Variants in IGF1R observed in about 807,000 individuals in gnomAD.
IGF1R encodes insulin-like growth factor 1 receptor.
Under a neutral mutation model 144.6 loss-of-function variants are expected in IGF1R, and 44 were observed. That is an observed-to-expected ratio of 0.30 (90% CI 0.24 to 0.39). The LOEUF (loss-of-function observed/expected upper bound fraction) is 0.39. Among genes scored for constraint, IGF1R ranks in the 10% least tolerant of loss-of-function variants. The probability of loss-of-function intolerance (pLI) is 1.00; values close to 1 mark genes in which losing one functional copy is unlikely to be tolerated. For missense variants in IGF1R, 1,355 were observed against 1,833.7 expected (o/e 0.74, Z 4.77); for synonymous variants, 795 against 722.8 (o/e 1.10, Z -1.60).
At chr15:98,734,764 A>C (rs1230092214) in intron 2 of IGF1R, 1 of 152,150 alleles carries the variant, frequency 6.6e-6, no homozygotes, top group Non-Finnish European at 1.5e-5. Flanking sequence ...GTGACTTCCT[A>C]TTTATAATGT....
intron 1 of IGF1R, chr15:98,650,878 C>T (rs1567057358): frequency 5.1e-6 from 5 of 981,840 alleles, no homozygotes; most frequent in Non-Finnish European, 6.0e-6. Context: ...TTGGTGGTGT[C>T]GGGTGGGGGT....
At chr15:98,899,166 C>T (rs1244419118) in intron 4 of IGF1R, among the ~76,000 whole-genome samples, 2 of 152,224 alleles carry the variant, frequency 1.3e-5, no homozygotes, top group African/African-American at 2.4e-5. Flanking sequence ...ACGTTCCCTA[C>T]ATTCGTCAGC....
At chr15:98,848,442 A>G (rs1467657335) in intron 2 of IGF1R, among the ~76,000 whole-genome samples, 1 of 152,214 alleles carries the variant, frequency 6.6e-6, no homozygotes, top group East Asian at 1.9e-4. Flanking sequence ...AGATAGTGCC[A>G]TCCTCCGCAA....
chr15:98,769,192 C>T (rs2055520939), intron 2 of IGF1R, among the ~76,000 whole-genome samples: 1 of 152,134 alleles, frequency 6.6e-6, no homozygotes, highest in Non-Finnish European at 1.5e-5. Flanking sequence ...TCTTTGTAAG[C>T]AAATAGCATC....
rs1034630035 is a variant in IGF1R at position 98,782,661 on chromosome 15, G to A, written c.640+74554G>A. The stretch of plus-strand genomic sequence containing the variant: ...TGATTTCTTTAATCACTCCAAATTA[G>A]TCATTTAGTTGTTTCCAGTTTTTTA... On this transcript the variant is annotated intron_variant, in intron 2 of 20. Coordinates refer to ENST00000650285, the MANE Select transcript of IGF1R (RefSeq NM_000875.5). Among the ~76,000 whole-genome samples the A allele has an allele frequency of 4.6e-5, 7 of 152,234 alleles. No homozygotes were observed. In the South Asian group the frequency reaches 1.2e-3, roughly 27 times the overall value.
At chr15:98,708,561 A>G (rs1274202693) in intron 2 of IGF1R, among the ~76,000 whole-genome samples, 1 of 152,184 alleles carries the variant, frequency 6.6e-6, no homozygotes, top group East Asian at 1.9e-4. Context: ...CTTAGTTTGA[A>G]TGGACTTGGA....
chr15:98,813,001 C>T (rs1472516408), intron 2 of IGF1R, among the ~76,000 whole-genome samples: 1 of 152,208 alleles, frequency 6.6e-6, no homozygotes, highest in African/African-American at 2.4e-5. Context: ...TAAGTGGCTT[C>T]TCCGATAGTG....
intron 2 of IGF1R, among the ~76,000 whole-genome samples, chr15:98,721,344 C>T (rs1370106934): frequency 4.6e-5 from 7 of 152,222 alleles, no homozygotes; most frequent in Non-Finnish European, 7.3e-5. Context: ...TGAGAAACCA[C>T]TTGTGGGTTA....
chr15:98,929,683 A>T lies in IGF1R; in HGVS notation c.2885+23A>T, dbSNP rs376316262. 3 of 1,483,936 alleles carry T rather than the reference A, an allele frequency of 2.0e-6. No individual in the cohort carries two copies. The African/African-American group carries it at 4.1e-5, about 21-fold the overall frequency. 91.9% of individuals were successfully genotyped at this position (1,483,936 alleles called of 1,614,324 possible). A position where few individuals can be genotyped will look rare whatever the true frequency, so the allele number is the denominator to read the frequency against. ...GAGGTCAGTGATGTGCAAAGTTATG[A>T]CACTTTCTGTGGCTGAGTGGTTTGA... On this transcript the variant is annotated intron_variant, in intron 14 of 20. Transcript: ENST00000650285.
chr15:98,856,989 C>T (rs187483138), intron 2 of IGF1R, among the ~76,000 whole-genome samples: 1 of 152,172 alleles, frequency 6.6e-6, no homozygotes, highest in African/African-American at 2.4e-5. Flanking sequence ...TGTAAATGAC[C>T]CCTTTCTCTT....
chr15:98,953,387 T>G (rs755491968), intron 20 of IGF1R, among the ~76,000 whole-genome samples: 1 of 152,178 alleles, frequency 6.6e-6, no homozygotes, highest in Non-Finnish European at 1.5e-5. Flanking sequence ...TGTGGTTCCC[T>G]GCTGGGTCTG....
intron 10 of IGF1R, among the ~76,000 whole-genome samples, chr15:98,920,890 C>G (rs372773274): frequency 1.3e-5 from 2 of 152,160 alleles, no homozygotes; most frequent in African/African-American, 4.8e-5. Context: ...CTCTGCTCTC[C>G]CCTTCCAGGT....
At chr15:98,870,612 G>A (rs2012732507) in intron 2 of IGF1R, among the ~76,000 whole-genome samples, 1 of 152,212 alleles carries the variant, frequency 6.6e-6, no homozygotes, top group South Asian at 2.1e-4. Flanking sequence ...GTGCATGTGT[G>A]TGTGTGTTTG....
intron 2 of IGF1R, among the ~76,000 whole-genome samples, chr15:98,799,751 T>C (rs1457903920): frequency 6.6e-6 from 1 of 152,044 alleles, no homozygotes; most frequent in African/African-American, 2.4e-5. Context: ...CAGGCTGGGA[T>C]CGTGGTGTTA....
Position 98,649,432 on chromosome 15 carries a change from G to T in IGF1R, c.-150G>T, listed in dbSNP as rs1034397988. The T allele has an allele frequency of 5.8e-6, 3 of 512,996 alleles. No homozygotes were observed. The highest frequency in any genetic ancestry group is 4.2e-5 in the Admixed American group (1 of 24,026). 31.8% of individuals were successfully genotyped at this position (512,996 alleles called of 1,614,324 possible). On this transcript the variant is annotated 5_prime_UTR_variant, in exon 1 of 21. Coordinates refer to ENST00000650285, the MANE Select transcript of IGF1R (RefSeq NM_000875.5). Reference sequence around the variant, plus strand: ...GGAGGGCCCCGGCGGCGCCGCCTTCGGAGTATTGTTTCCTTCGCCCTTGTT... The same window carrying T: ...GGAGGGCCCCGGCGGCGCCGCCTTCTGAGTATTGTTTCCTTCGCCCTTGTT...
intron 10 of IGF1R, among the ~76,000 whole-genome samples, chr15:98,919,300 C>T (rs903295609): frequency 6.6e-5 from 10 of 152,272 alleles, no homozygotes; most frequent in East Asian, 1.9e-4. Flanking sequence ...GCCCGCCACA[C>T]GGAAGGATGG....
chr15:98,870,404 G>C (rs373736917), intron 2 of IGF1R, among the ~76,000 whole-genome samples: 1 of 152,182 alleles, frequency 6.6e-6, no homozygotes, highest in East Asian at 1.9e-4. Context: ...AGGGCGGTCA[G>C]GAGAGACCTC....
At chr15:98,877,568 A>G (rs1294322962) in intron 2 of IGF1R, among the ~76,000 whole-genome samples, 1 of 138,356 alleles carries the variant, frequency 7.2e-6, no homozygotes, top group African/African-American at 2.7e-5. Context: ...TGTGGCCTCT[A>G]GAAGCATTTT....
At chr15:98,944,883 C>G (rs1596477852) in intron 19 of IGF1R, among the ~76,000 whole-genome samples, 1 of 139,526 alleles carries the variant, frequency 7.2e-6, no homozygotes, top group East Asian at 1.9e-4. Context: ...ACGTCAGCCT[C>G]TGTGTGACAC....
Sources: allele counts gnomAD v4.1 joint callset (sites outside exome capture counted in the v4.1 genomes callset), GRCh38; gene constraint gnomAD v4.1.1; transcripts MANE v1.5; gene names NCBI Gene and HGNC (gene_info 2026-07-23, HGNC 2026-07-21).